Variants in CSGALNACT1 observed in about 807,000 individuals in gnomAD.
CSGALNACT1 encodes chondroitin sulfate N-acetylgalactosaminyltransferase 1, also known as beta4GalNAcT-1.
Under a neutral mutation model 51.0 loss-of-function variants are expected in CSGALNACT1, and 52 were observed. The ratio of observed to expected loss-of-function variants is 1.02; its 90% confidence interval spans 0.82 to 1.29. The LOEUF (loss-of-function observed/expected upper bound fraction) is 1.29. Ranked by LOEUF, CSGALNACT1 falls within the 50% of genes most tolerant of loss-of-function variation. The pLI, the probability that CSGALNACT1 is intolerant of heterozygous loss-of-function variation, is 0.00. For synonymous variants in CSGALNACT1, 341 were observed against 254.4 expected (o/e 1.34, Z -3.24); for missense variants, 935 against 679.2 (o/e 1.38, Z -4.19).
At chr8:19,673,852 C>T (rs1158488998) in intron 1 of CSGALNACT1, among the ~76,000 whole-genome samples, 1 of 152,228 alleles carries the variant, frequency 6.6e-6, no homozygotes, top group African/African-American at 2.4e-5. Flanking sequence ...TCTTTTGGTG[C>T]ACTCAACCAA....
At chr8:19,571,540 G>A (rs2043037256) in intron 3 of CSGALNACT1, among the ~76,000 whole-genome samples, 1 of 149,504 alleles carries the variant, frequency 6.7e-6, no homozygotes, top group African/African-American at 2.5e-5. Context: ...CAACTAATAT[G>A]GCTAATACGG....
Position 19,465,435 on chromosome 8 carries a change from G to A in CSGALNACT1, c.635-6793C>T, listed in dbSNP as rs75511304. ...GAAGATGGATGGTGGTGATGGATGC[G>A]CAAGAATGTCAATGTACTTAAGGCC... is the stretch of plus-strand genomic sequence containing the variant. On this transcript the variant is annotated intron_variant, in intron 4 of 9. Transcript: ENST00000454498. Among the ~76,000 whole-genome samples, 1,061 of 152,224 alleles carry A rather than the reference G, an allele frequency of 7.0e-3. 12 individuals are homozygous for A. The highest frequency in any genetic ancestry group is 0.024 in the African/African-American group (996 of 41,526).
chr8:19,635,166 G>T (rs989044597), intron 1 of CSGALNACT1, among the ~76,000 whole-genome samples: 3 of 152,182 alleles, frequency 2.0e-5, no homozygotes, highest in African/African-American at 7.2e-5. Flanking sequence ...TCAGGGCAGA[G>T]GGGACCAGGA....
At chr8:19,514,730 G>C (rs2079189111) in intron 3 of CSGALNACT1, among the ~76,000 whole-genome samples, 1 of 150,710 alleles carries the variant, frequency 6.6e-6, no homozygotes, top group Non-Finnish European at 1.5e-5. Flanking sequence ...CTGCTTGGGA[G>C]GCTGAGGAAG....
chr8:19,584,295 T>A (rs536742013), intron 3 of CSGALNACT1, among the ~76,000 whole-genome samples: 1 of 152,222 alleles, frequency 6.6e-6, no homozygotes, highest in Non-Finnish European at 1.5e-5. Context: ...ATGTTATTGG[T>A]ACTCTGTAAT....
At chr8:19,711,948 C>T (rs190464924) in intron 1 of CSGALNACT1, among the ~76,000 whole-genome samples, 59 of 152,320 alleles carry the variant, frequency 3.9e-4, no homozygotes, top group Non-Finnish European at 7.5e-4. Context: ...GTGCTAAACC[C>T]ATTGGACAGA....
At chr8:19,509,261 C>T (rs895750725) in intron 3 of CSGALNACT1, among the ~76,000 whole-genome samples, 1 of 152,126 alleles carries the variant, frequency 6.6e-6, no homozygotes, top group African/African-American at 2.4e-5. Context: ...GGCTTTTACC[C>T]TTCGGATTCT....
upstream of CSGALNACT1, among the ~76,000 whole-genome samples, chr8:19,686,807 G>A (rs771232687): frequency 6.6e-6 from 1 of 152,176 alleles, no homozygotes; most frequent in Non-Finnish European, 1.5e-5. Flanking sequence ...TCCATCCTCT[G>A]ACTGCCCTGG....
intron 1 of CSGALNACT1, among the ~76,000 whole-genome samples, chr8:19,639,756 C>G (rs1233797546): frequency 1.3e-5 from 2 of 151,950 alleles, no homozygotes; most frequent in African/African-American, 2.4e-5. Flanking sequence ...CTGACCCGCT[C>G]CATGTCATCA....
intron 1 of CSGALNACT1, among the ~76,000 whole-genome samples, chr8:19,676,299 T>G (rs1468501073): frequency 6.6e-6 from 1 of 152,130 alleles, no homozygotes; most frequent in Non-Finnish European, 1.5e-5. Context: ...TTAGAGCAGC[T>G]ATTTTAGCTA....
upstream of CSGALNACT1, among the ~76,000 whole-genome samples, chr8:19,604,972 T>C (rs2051164039): frequency 6.7e-6 from 1 of 149,814 alleles, no homozygotes; most frequent in African/African-American, 2.5e-5. Flanking sequence ...TGCATGGAAG[T>C]GGTAGCTAGG....
At chr8:19,439,112 A>G (rs1024315590) in intron 6 of CSGALNACT1, among the ~76,000 whole-genome samples, 1 of 152,246 alleles carries the variant, frequency 6.6e-6, no homozygotes, top group Non-Finnish European at 1.5e-5. Context: ...GTGCAGCGCC[A>G]TTCTGGCTTA....
intron 3 of CSGALNACT1, among the ~76,000 whole-genome samples, chr8:19,525,887 C>T (rs1273874499): frequency 1.3e-5 from 2 of 152,106 alleles, no homozygotes. Context: ...TTACTGCCAG[C>T]GTCAGTGCTG....
intron 3 of CSGALNACT1, among the ~76,000 whole-genome samples, chr8:19,585,518 G>C (rs2046430294): frequency 6.6e-6 from 1 of 152,136 alleles, no homozygotes; most frequent in Non-Finnish European, 1.5e-5. Flanking sequence ...TCTCAGCCTT[G>C]GATGTTGTCA....
chr8:19,456,111 G>A (rs1277309473), intron 5 of CSGALNACT1, among the ~76,000 whole-genome samples: 1 of 152,186 alleles, frequency 6.6e-6, no homozygotes, highest in Non-Finnish European at 1.5e-5. Flanking sequence ...TTTGAGGCTT[G>A]TAAGCTACTC....
rs10111774 is a variant in CSGALNACT1, at chr8:19,670,818, G to A, written c.-544+11655C>T. ...TTGAGCCAGATTCTACTTGGCTTCC[G>A]GCACAAGTAGCTTTTGGCCCCTTTG... is the stretch of plus-strand genomic sequence containing the variant. On this transcript the variant is annotated intron_variant, in intron 1 of 9. Transcript: ENST00000332246. 4.4e-3 allele frequency among the ~76,000 whole-genome samples: 662 copies of A among 152,178 alleles called. 4 individuals are homozygous for A. The highest frequency in any genetic ancestry group is 0.015 in the African/African-American group (618 of 41,526).
intron 3 of CSGALNACT1, among the ~76,000 whole-genome samples, chr8:19,513,415 A>ACTCTCTCTATCTCTCTCTCTCTCT (rs2078836626): frequency 9.0e-6 from 1 of 111,498 alleles, no homozygotes; most frequent in African/African-American, 3.5e-5. Context: ...TCTCTCTCTC[A>ACTCTCTCTATCTCTCTCTCTCTCT]CTCTCTCTCT....
intron 1 of CSGALNACT1, among the ~76,000 whole-genome samples, chr8:19,727,259 C>A (rs2063450870): frequency 1.3e-5 from 2 of 152,168 alleles, no homozygotes; most frequent in African/African-American, 4.8e-5. Flanking sequence ...GTGACTTCTC[C>A]CTTTAACTAT....
chr8:19,484,390 CGAG>C (rs1229584976), intron 4 of CSGALNACT1, among the ~76,000 whole-genome samples: 1 of 152,028 alleles, frequency 6.6e-6, no homozygotes, highest in African/African-American at 2.4e-5. Context: ...ACATACAACT[CGAG>C]GATAAGGGTA....
Sources: gnomAD v4.1 joint callset for allele counts (sites outside exome capture counted in the v4.1 genomes callset) on GRCh38, gnomAD v4.1.1 for gene constraint, MANE v1.5 for transcripts, NCBI Gene and HGNC (gene_info 2026-07-23, HGNC 2026-07-21) for gene names.